Variants in ANXA8L1 observed in about 807,000 individuals in gnomAD.
ANXA8L1 encodes annexin A8 like 1, also known as annexin A8-like protein 1.
In ANXA8L1, 10 loss-of-function variants were observed where a neutral mutation model predicts 22.5. The ratio of observed to expected loss-of-function variants is 0.44; its 90% CI spans 0.27 to 0.75. The LOEUF (loss-of-function observed/expected upper bound fraction) is 0.75, where lower values mean the gene tolerates loss of function less well. Among genes scored for constraint, ANXA8L1 ranks in the 30% least tolerant of loss-of-function variants. ANXA8L1 has a pLI of 0.15. For missense variants in ANXA8L1, 88 were observed against 219.6 expected, an observed-to-expected ratio of 0.40 and a Z score of 3.79; for synonymous variants, 36 against 86.0, an observed-to-expected ratio of 0.42 and a Z score of 3.22.
intron 11 of ANXA8L1, among the ~76,000 whole-genome samples, chr10:46,390,553 G>A (rs534866960): frequency 2.4e-4 from 35 of 145,962 alleles, no homozygotes; most frequent in Admixed American, 1.6e-3. Flanking sequence ...ATGAATGGCT[G>A]GGCACCCTGG....
intron 1 of ANXA8L1, among the ~76,000 whole-genome samples, chr10:46,378,894 A>T (rs1478176175): frequency 7.0e-6 from 1 of 142,676 alleles, no homozygotes; most frequent in Non-Finnish European, 1.5e-5. Context: ...GGATGGATGG[A>T]TGGATGGATG....
intron 9 of ANXA8L1, among the ~76,000 whole-genome samples, chr10:46,387,084 C>A: frequency 1.5e-5 from 1 of 66,062 alleles, no homozygotes. Flanking sequence ...CTGGACCAGA[C>A]GCCCCCAGGT....
intron 1 of ANXA8L1, among the ~76,000 whole-genome samples, chr10:46,378,860 A>G (rs1307295131): frequency 2.1e-5 from 3 of 143,532 alleles, no homozygotes; most frequent in East Asian, 2.0e-4. Flanking sequence ...TATTTTCACA[A>G]TCTAACCCAG....
intron 1 of ANXA8L1, among the ~76,000 whole-genome samples, chr10:46,377,900 G>A (rs1435658425): frequency 8.6e-6 from 1 of 116,340 alleles, no homozygotes; most frequent in Non-Finnish European, 1.8e-5. Context: ...CACCTTTTCA[G>A]TGAAAATGTG....
At position 46,390,787 on chromosome 10, in the gene ANXA8L1, C is replaced by G. The variant is rs1417379570; in HGVS notation, c.925-84C>G. On this transcript the variant is annotated intron_variant, in intron 11 of 11. Transcript: ENST00000619162. ...GGCCAGGTGCAGGCCAGGGGCACAC[C>G]TCTTAGTCATAATAACACAGCCGCC... 37 of 1,032,336 alleles carry G rather than the reference C, an allele frequency of 3.6e-5. 1 individual carries two copies. The highest frequency in any genetic ancestry group is 4.6e-5 in the Non-Finnish European group (33 of 718,830). The allele number at this position is 1,032,336 out of a possible 1,614,324, so 63.9% of individuals were successfully genotyped here. A position where few individuals can be genotyped will look rare whatever the true frequency, so the allele number is the denominator to read the frequency against.
intron 11 of ANXA8L1, among the ~76,000 whole-genome samples, 182 bp downstream of exon 11, chr10:46,388,697 TG>T (rs1231394848): frequency 8.4e-6 from 1 of 119,318 alleles, no homozygotes; most frequent in Non-Finnish European, 1.8e-5. Context: ...CCAAGGGGAA[TG>T]GGGGGCAGAG....
At chr10:46,384,630 C>T in intron 6 of ANXA8L1, 144 bp from the exon 7 acceptor site, 1 of 1,375,746 alleles carries the variant, frequency 7.3e-7, no homozygotes, top group South Asian at 1.2e-5. Flanking sequence ...AAACCAAGGG[C>T]TGAAGAGAAT....
chr10:46,382,697 C>T lies in ANXA8L1; in HGVS notation c.321+5C>T. On this transcript the variant is annotated splice_donor_5th_base_variant and intron_variant, in intron 4 of 11. Transcript: ENST00000619162. ...GAGCTGCATGACGCCATGAAGGTAACCAGGCAGACAGGGCAGGGGAGTGGC... is the reference window on the plus strand; with the variant it reads ...GAGCTGCATGACGCCATGAAGGTAATCAGGCAGACAGGGCAGGGGAGTGGC... The T allele has an allele frequency of 7.8e-7, 1 of 1,274,680 alleles. No individual in the cohort carries two copies. Among genetic ancestry groups the T allele is most frequent in the Non-Finnish European group, 1.1e-6 (1 of 939,680 alleles). The allele number at this position is 1,274,680 out of a possible 1,614,324, so 79.0% of individuals were successfully genotyped here. A position where few individuals can be genotyped will look rare whatever the true frequency, so the allele number is the denominator to read the frequency against.
rs1839980160 is a variant in ANXA8L1, at chr10:46,381,210, C to T, written c.177C>T (p.Ile59=). 2.8e-6 allele frequency: 2 copies of T among 719,168 alleles called. No individual in the cohort carries two copies. Among genetic ancestry groups the T allele is most frequent in the Non-Finnish European group, 4.0e-6 (2 of 496,598 alleles). 44.5% of individuals were successfully genotyped at this position (719,168 alleles called of 1,614,324 possible). The change falls in exon 3 of 12, where the codon ATC becomes ATT. Residue 59 remains isoleucine, a synonymous_variant. Transcript: ENST00000619162. ...TKRSNTQRQQ[I]AKSFKAQFGK... Reference sequence around the variant, plus strand: ...GAAGCAACACGCAGCGGCAGCAGATCGCCAAGTCCTTCAAGGCTCAGTTCG... The same window carrying T: ...GAAGCAACACGCAGCGGCAGCAGATTGCCAAGTCCTTCAAGGCTCAGTTCG...
intron 11 of ANXA8L1, among the ~76,000 whole-genome samples, chr10:46,389,706 A>C (rs2489763): frequency 2.6e-4 from 39 of 151,456 alleles, no homozygotes; most frequent in East Asian, 9.7e-4. Flanking sequence ...AAAAACTATT[A>C]GAAAAATTGT....
chr10:46,390,816 G>A lies in ANXA8L1; in HGVS notation c.925-55G>A, dbSNP rs551419747. On this transcript the variant is annotated intron_variant, in intron 11 of 11. Transcript: ENST00000619162. ...TAGTCATAATAACACAGCCGCCACTGCCGAGCCAGGCACAAACAAACCCCT... is the reference window on the plus strand; with the variant it reads ...TAGTCATAATAACACAGCCGCCACTACCGAGCCAGGCACAAACAAACCCCT... 5.5e-3 allele frequency: 5,961 copies of A among 1,092,200 alleles called. 1,882 individuals carry two copies. Among genetic ancestry groups the A allele is most frequent in the Non-Finnish European group, 6.8e-3 (5,449 of 797,816 alleles). The allele number at this position is 1,092,200 out of a possible 1,614,324, so 67.7% of individuals were successfully genotyped here. A position where few individuals can be genotyped will look rare whatever the true frequency, so the allele number is the denominator to read the frequency against.
rs1840025961 is a variant in ANXA8L1 at position 46,385,459 on chromosome 10, C to T, written c.632C>T (p.Thr211Ile). The T allele has an allele frequency of 4.1e-6, 5 of 1,231,748 alleles. 2 individuals carry two copies. Among genetic ancestry groups the T allele is most frequent in the Admixed American group, 4.4e-5 (2 of 45,580 alleles). 76.3% of individuals were successfully genotyped at this position (1,231,748 alleles called of 1,614,324 possible). ...ACCATCCTGTGCACGCGCAGTGCCA[C>T]TCACCTGCTGAGAGGTACCAGGGAG... ...FITILCTRSA[T>I]HLLRVFEEYE... is the part of the protein sequence containing the mutation. Residue 211 changes from threonine (T) to isoleucine (I), a missense_variant, in exon 8 of 12, where the codon ACT (threonine) becomes ATT (isoleucine). Coordinates refer to ENST00000619162, the MANE Select transcript of ANXA8L1 (RefSeq NM_001098845.3).
chr10:46,375,816 C>T lies in ANXA8L1; in HGVS notation c.-36C>T, dbSNP rs1839920614. 1 of 1,609,060 alleles carries T rather than the reference C, an allele frequency of 6.2e-7. No individual in the cohort carries two copies. Among genetic ancestry groups the T allele is most frequent in the Non-Finnish European group, 8.5e-7 (1 of 1,179,144 alleles). On this transcript the variant is annotated 5_prime_UTR_variant, in exon 1 of 12. Transcript: ENST00000619162. ...CAGCAGAGGCCAACCTGTGTCTCTT[C>T]ATCTCCGTGAGAAAGGTGCCCCCGA...
At chr10:46,383,668 C>A in intron 5 of ANXA8L1, 122 bp downstream of exon 5, 1 of 265,898 alleles carries the variant, frequency 3.8e-6, no homozygotes, top group South Asian at 2.4e-5. Context: ...GACTTTTTTA[C>A]CCACAGGTGC....
intron 11 of ANXA8L1, among the ~76,000 whole-genome samples, 163 bp from the exon 12 acceptor site, chr10:46,390,708 C>T (rs1306031599): frequency 7.3e-6 from 1 of 137,774 alleles, no homozygotes; most frequent in Non-Finnish European, 1.7e-5. Context: ...AAATTAAAAA[C>T]CAGGAAAGAG....
intron 1 of ANXA8L1, among the ~76,000 whole-genome samples, chr10:46,378,847 CTG>C (rs1374388979): frequency 7.1e-6 from 1 of 140,296 alleles, no homozygotes; most frequent in Non-Finnish European, 1.5e-5. Context: ...ATTGGAATCT[CTG>C]TATTTTCACA....
At chr10:46,384,898 C>T (rs1840018116) in intron 7 of ANXA8L1, 65 bp downstream of exon 7, 3 of 1,607,624 alleles carry the variant, frequency 1.9e-6, no homozygotes, top group South Asian at 1.1e-5. Context: ...GCTCCTCTGC[C>T]CACGGGGGCT....
chr10:46,376,723 A>C (rs1284307897), intron 1 of ANXA8L1, among the ~76,000 whole-genome samples: 2 of 93,734 alleles, frequency 2.1e-5, no homozygotes, highest in African/African-American at 4.7e-5. Context: ...AAGGGGACAG[A>C]GGTGACATCT....
intron 4 of ANXA8L1, 145 bp from the exon 5 acceptor site, chr10:46,383,311 T>A: frequency 6.5e-7 from 1 of 1,539,578 alleles, no homozygotes; most frequent in Non-Finnish European, 8.9e-7. Flanking sequence ...GACAAGCATG[T>A]GATTTTCTCA....
Sources: gnomAD v4.1 joint callset for allele counts (sites outside exome capture counted in the v4.1 genomes callset) on GRCh38, gnomAD v4.1.1 for gene constraint, MANE v1.5 for transcripts, NCBI Gene and HGNC (gene_info 2026-07-23, HGNC 2026-07-21) for gene names.